The following SLC4A2 variants were observed in gnomAD, a reference collection of about 807,000 sequenced individuals.
SLC4A2 encodes the protein solute carrier family 4 member 2.
SLC4A2 carries 36 observed loss-of-function variants against 115.0 expected under a neutral mutation model. That is an observed-to-expected ratio of 0.31 (90% CI 0.24 to 0.41). The LOEUF (loss-of-function observed/expected upper bound fraction) is 0.41, where lower values mean the gene tolerates loss of function less well. Ranked by LOEUF, SLC4A2 falls within the 10% of genes least tolerant of loss-of-function variation. The probability of loss-of-function intolerance (pLI) is 1.00; values close to 1 mark genes in which losing one functional copy is unlikely to be tolerated. For missense variants in SLC4A2, 1,252 were observed against 1,705.6 expected (o/e 0.73, Z 4.68); for synonymous variants, 708 against 708.3 (o/e 1.00, Z 0.01).
At position 151,071,711 on chromosome 7, in the gene SLC4A2, A is replaced by G. The variant is rs1797446495; in HGVS notation, c.2214A>G (p.Ile738Met). The G allele has an allele frequency of 6.2e-7, 1 of 1,610,362 alleles. No individual in the cohort carries two copies. Among genetic ancestry groups the G allele is most frequent in the Non-Finnish European group, 8.5e-7 (1 of 1,177,876 alleles). Reference sequence around the variant, plus strand: ...TAGGAGAGAAGACGCAGGACCTGATAGGGGTGTCGGAGCTGATTATGTCCA... The same window carrying G: ...TAGGAGAGAAGACGCAGGACCTGATGGGGGTGTCGGAGCTGATTATGTCCA... ...GLLGEKTQDL[I>M]GVSELIMSTA... The change falls in exon 15 of 23, where the codon ATA becomes ATG. Residue 738 changes from isoleucine to methionine, a missense_variant. Physicochemically the swap from Ile to Met is conservative, Grantham distance 10 (BLOSUM62 1). Around this residue, in one of 14 missense-constraint regions of SLC4A2, gnomAD observed 118 missense variants for 203.3 expected, o/e 0.58. Coordinates refer to ENST00000413384, the MANE Select transcript of SLC4A2 (RefSeq NM_003040.4). The surrounding 1 kb of genome is among the most constrained non-coding windows in gnomAD (Gnocchi z 5.5).
intron 11 of SLC4A2, 37 bp downstream of exon 11, chr7:151,070,608 C>T (rs774073801): frequency 1.2e-6 from 2 of 1,602,802 alleles, no homozygotes; most frequent in Non-Finnish European, 1.7e-6. Flanking sequence ...GGCTTGGTGG[C>T]CAGGCCTTGA....
In SLC4A2 at chr7:151,066,500, C is replaced by T; in HGVS notation, c.579-17C>T. On this transcript the variant is annotated splice_polypyrimidine_tract_variant and intron_variant, in intron 5 of 22. Coordinates refer to ENST00000413384, the MANE Select transcript of SLC4A2 (RefSeq NM_003040.4). ...GAGGCCAGGTTTCTCGGGCTCACGG[C>T]CATTCTGTCTGCCTAGAACCCAGGT... is the stretch of plus-strand genomic sequence containing the variant. 3.4e-6 allele frequency: 5 copies of T among 1,487,006 alleles called. No individual in the cohort carries two copies. The highest frequency in any genetic ancestry group is 1.3e-5 in the South Asian group (1 of 74,184). 92.1% of individuals were successfully genotyped at this position (1,487,006 alleles called of 1,614,324 possible). A position where few individuals can be genotyped will look rare whatever the true frequency, so the allele number is the denominator to read the frequency against.
chr7:151,069,795 G>A (rs1797366899), intron 8 of SLC4A2, 152 bp from the exon 9 acceptor site: 3 of 835,456 alleles, frequency 3.6e-6, no homozygotes, highest in Non-Finnish European at 3.8e-6. Flanking sequence ...GCTCCTGTGG[G>A]AGCCAGAACT....
chr7:151,075,977 G>A (rs1172977267), intron 21 of SLC4A2, 36 bp from the exon 22 acceptor site: 3 of 1,549,814 alleles, frequency 1.9e-6, no homozygotes, highest in African/African-American at 1.4e-5. Context: ...CAGCAGGCTA[G>A]GGAGGAAGCT....
At chr7:151,076,245 C>T (rs971778498) in intron 22 of SLC4A2, 42 bp from the exon 23 acceptor site, 18 of 1,592,698 alleles carry the variant, frequency 1.1e-5, no homozygotes, top group Non-Finnish European at 1.3e-5. Flanking sequence ...TCTGGAAAGG[C>T]CCCCCCACTT....
At chr7:151,069,832 T>A (rs1797368353) in intron 8 of SLC4A2, 115 bp from the exon 9 acceptor site, 5 of 1,236,436 alleles carry the variant, frequency 4.0e-6, no homozygotes, top group Non-Finnish European at 5.9e-6. Context: ...ATGTGTAGGC[T>A]GGTGTTCCAG....
intron 2 of SLC4A2, chr7:151,062,797 C>G (rs1319529829): frequency 1.5e-6 from 2 of 1,367,666 alleles, no homozygotes; most frequent in South Asian, 3.4e-5. Context: ...TGGACAGGAG[C>G]CTTCCTCACA....
At chr7:151,072,649 CTTTTA>C (rs1225344863) in intron 16 of SLC4A2, among the ~76,000 whole-genome samples, 2 of 150,074 alleles carry the variant, frequency 1.3e-5, no homozygotes, top group African/African-American at 4.9e-5. Context: ...AAAACTCATA[CTTTTA>C]TTTCTTTTTT....
At chr7:151,067,664 C>T (rs997128819) in intron 7 of SLC4A2, among the ~76,000 whole-genome samples, 3 of 152,192 alleles carry the variant, frequency 2.0e-5, no homozygotes, top group Non-Finnish European at 2.9e-5. Flanking sequence ...GGTATTATTC[C>T]CATTTGACAG....
Position 151,071,789 on chromosome 7 carries a change from G to A in SLC4A2, c.2292G>A (p.Val764=). 3.7e-6 allele frequency: 6 copies of A among 1,611,736 alleles called. No individual in the cohort carries two copies. The highest frequency in any genetic ancestry group is 5.1e-6 in the Non-Finnish European group (6 of 1,179,534). ...TGCTGGGTGCCCAGCCCCTGTTGGT[G>A]ATCGGCTTCTCAGGGCCCCTGCTGG... ...FCLLGAQPLL[V]IGFSGPLLVF... The change falls in exon 15 of 23, where the codon GTG becomes GTA. Residue 764 remains valine (V), a synonymous_variant. Transcript: ENST00000413384. This position sits in a 1 kb window ranked among gnomAD's most constrained non-coding sequence, Gnocchi z 5.5.
rs112607485 is a variant in SLC4A2 at position 151,068,750 on chromosome 7, G to A, written c.1147+696G>A. Among the ~76,000 whole-genome samples the A allele has an allele frequency of 9.2e-3, 1,402 of 151,874 alleles. 18 individuals are homozygous for A. Among genetic ancestry groups the A allele is most frequent in the African/African-American group, 0.032 (1,322 of 41,392 alleles). On this transcript the variant is annotated intron_variant, in intron 8 of 22. Transcript: ENST00000413384. ...GCCCAGACTGGTCTCAAACTCCTGGGCTCAAGTGATTTACCCGCCTCAGCC... is the reference window on the plus strand; with the variant it reads ...GCCCAGACTGGTCTCAAACTCCTGGACTCAAGTGATTTACCCGCCTCAGCC...
Position 151,076,005 on chromosome 7 carries a change from C to G in SLC4A2, c.3472-8C>G, listed in dbSNP as rs530356190. ...AGGAAGCTGGGCTCACCTGTCTCCG[C>G]CCCCCAGGTCCGGACCCTCCGTATG... On this transcript the variant is annotated splice_polypyrimidine_tract_variant and splice_region_variant and intron_variant, in intron 21 of 22. Transcript: ENST00000413384. 1 of 1,574,036 alleles carries G rather than the reference C, an allele frequency of 6.4e-7. No homozygotes were observed. Among genetic ancestry groups the G allele is most frequent in the African/African-American group, 1.4e-5 (1 of 74,016 alleles).
chr7:151,066,931 G>A lies in SLC4A2; in HGVS notation c.904G>A (p.Glu302Lys). 6.2e-7 allele frequency: 1 copy of A among 1,613,536 alleles called. No individual in the cohort carries two copies. Among genetic ancestry groups the A allele is most frequent in the Non-Finnish European group, 8.5e-7 (1 of 1,179,824 alleles). ...CAAAGGTTCCACACAGAGTGGCCGAGAAGGGCGGGAGCCTGGCCCCACACC... is the reference window on the plus strand; with the variant it reads ...CAAAGGTTCCACACAGAGTGGCCGAAAAGGGCGGGAGCCTGGCCCCACACC... ...NAKGSTQSGR[E>K]GREPGPTPRA... Residue 302 changes from glutamate to lysine, a missense_variant, in exon 7 of 23, where the codon GAA becomes AAA. Coordinates refer to ENST00000413384, the MANE Select transcript of SLC4A2 (RefSeq NM_003040.4).
chr7:151,071,441 G>T lies in SLC4A2; in HGVS notation c.2027G>T (p.Arg676Leu). The change falls in exon 14 of 23, where the codon CGG (arginine) becomes CTG (leucine). Residue 676 changes from arginine to leucine, a missense_variant. Physicochemically the swap from Arg to Leu is moderately radical, Grantham distance 102. This residue lies in a region of SLC4A2 where 122 missense variants were observed against 116.8 expected (regional missense o/e 1.04). Transcript: ENST00000413384. This position sits in a 1 kb window ranked among gnomAD's most constrained non-coding sequence, Gnocchi z 5.5. ...GGGGCAGCTGAAGATGATCCCCTTCGGCGGACGGGGCGGCCCTTTGGGGGG... is the reference window on the plus strand; with the variant it reads ...GGGGCAGCTGAAGATGATCCCCTTCTGCGGACGGGGCGGCCCTTTGGGGGG... ...AAGAAEDDPL[R>L]RTGRPFGGLI... is the part of the protein sequence containing the mutation. 1 of 1,606,312 alleles carries T rather than the reference G, an allele frequency of 6.2e-7. No homozygotes were observed. Among genetic ancestry groups the T allele is most frequent in the Non-Finnish European group, 8.5e-7 (1 of 1,179,536 alleles).
chr7:151,073,368 C>T (rs1797507009), intron 16 of SLC4A2, among the ~76,000 whole-genome samples: 1 of 152,042 alleles, frequency 6.6e-6, no homozygotes, highest in Non-Finnish European at 1.5e-5. Context: ...GCAACTTTGG[C>T]ATCCCAGGTT....
At chr7:151,064,989 T>C in intron 5 of SLC4A2, 23 bp downstream of exon 5, 1 of 1,448,014 alleles carries the variant, frequency 6.9e-7, no homozygotes, top group Middle Eastern at 1.7e-4. Flanking sequence ...CAATCAACAG[T>C]GTCCCCAACA....
At chr7:151,066,788 G>A (rs772901058) in intron 6 of SLC4A2, 27 bp downstream of exon 6, 22 of 1,584,284 alleles carry the variant, frequency 1.4e-5, no homozygotes, top group Admixed American at 5.4e-5. Flanking sequence ...GGCCAAGCCC[G>A]GCACTGGTGG....
Position 151,075,353 on chromosome 7 carries a change from T to G in SLC4A2, c.3146T>G (p.Phe1049Cys). 6.2e-7 allele frequency: 1 copy of G among 1,612,898 alleles called. No individual in the cohort carries two copies. Residue 1049 changes from phenylalanine (F) to cysteine (C), a missense_variant, in exon 20 of 23, where the codon TTT (phenylalanine) becomes TGT (cysteine). Coordinates refer to ENST00000413384, the MANE Select transcript of SLC4A2 (RefSeq NM_003040.4). ...IVAMGGICAL[F>C]GLPWLAAATV... Reference sequence around the variant, plus strand: ...GCCATGGGCGGCATCTGTGCCCTCTTTGGCCTGCCCTGGTTGGCTGCTGCC... The same window carrying G: ...GCCATGGGCGGCATCTGTGCCCTCTGTGGCCTGCCCTGGTTGGCTGCTGCC...
At chr7:151,069,583 T>G (rs1273382904) in intron 8 of SLC4A2, among the ~76,000 whole-genome samples, 2 of 148,514 alleles carry the variant, frequency 1.3e-5, no homozygotes, top group Non-Finnish European at 3.0e-5. Flanking sequence ...TAGAGGAGAG[T>G]TTTCTAACAG....
Sources: allele counts gnomAD v4.1 joint callset (sites outside exome capture counted in the v4.1 genomes callset), GRCh38; gene constraint gnomAD v4.1.1; regional missense constraint gnomAD v4.1.1; non-coding constraint Gnocchi (gnomAD v3.1); transcripts MANE v1.5; gene names NCBI Gene and HGNC (gene_info 2026-07-23, HGNC 2026-07-21).